CSRNP3: variants seen among roughly 807,000 people sequenced by gnomAD.
CSRNP3 encodes cysteine/serine-rich nuclear protein 3.
In CSRNP3, 12 loss-of-function variants were observed where a neutral mutation model predicts 48.0. That is an observed-to-expected ratio of 0.25 (90% CI 0.16 to 0.41). The LOEUF is 0.41. Ranked by LOEUF, CSRNP3 falls within the 10% of genes least tolerant of loss-of-function variation. CSRNP3 has a pLI of 1.00. For synonymous variants in CSRNP3, 263 were observed against 269.7 expected (o/e 0.98, Z 0.24); for missense variants, 580 against 724.4 (o/e 0.80, Z 2.29).
Position 165,578,029 on chromosome 2 carries a change from A to C in CSRNP3, c.-23-17014A>C, listed in dbSNP as rs976945978. ...TCTTTTGTTAGTACAATGAGAATCTATAATATTAAACTATCAACAGAAATT... is the reference window on the plus strand; with the variant it reads ...TCTTTTGTTAGTACAATGAGAATCTCTAATATTAAACTATCAACAGAAATT... On this transcript the variant is annotated intron_variant, in intron 3 of 6. Coordinates refer to ENST00000651982, the MANE Select transcript of CSRNP3 (RefSeq NM_001172173.2). 5.3e-5 allele frequency among the ~76,000 whole-genome samples: 8 copies of C among 152,180 alleles called. No individual in the cohort carries two copies. In the South Asian group the frequency reaches 1.7e-3, roughly 32 times the overall value.
At chr2:165,503,554 A>G (rs1684386082) in intron 2 of CSRNP3, among the ~76,000 whole-genome samples, 1 of 151,982 alleles carries the variant, frequency 6.6e-6, no homozygotes, top group South Asian at 2.1e-4. Flanking sequence ...AAAGTTTAAC[A>G]TTATCTCACA....
chr2:165,676,678 G>T, intron 6 of CSRNP3, 70 bp downstream of exon 6: 2 of 1,419,912 alleles, frequency 1.4e-6, no homozygotes, highest in South Asian at 1.2e-5. Context: ...GGCAGTCATG[G>T]TACCTATAAT....
intron 1 of CSRNP3, among the ~76,000 whole-genome samples, chr2:165,487,728 T>C (rs1684141758): frequency 1.3e-5 from 2 of 149,646 alleles, no homozygotes; most frequent in African/African-American, 2.5e-5. Context: ...TAAAATACTT[T>C]ACAGACAAGC....
intron 3 of CSRNP3, among the ~76,000 whole-genome samples, chr2:165,530,871 A>G (rs1051789320): frequency 2.0e-5 from 3 of 152,102 alleles, no homozygotes; most frequent in Non-Finnish European, 4.4e-5. Flanking sequence ...TTAAAAATCA[A>G]AAGAAGAAAA....
At chr2:165,592,311 T>C (rs973934495) in intron 3 of CSRNP3, among the ~76,000 whole-genome samples, 1 of 152,216 alleles carries the variant, frequency 6.6e-6, no homozygotes, top group Admixed American at 6.5e-5. Flanking sequence ...CCAATGCCTG[T>C]AGCCCCATTG....
At chr2:165,502,974 GT>G (rs1684377680) in intron 2 of CSRNP3, among the ~76,000 whole-genome samples, 1 of 151,828 alleles carries the variant, frequency 6.6e-6, no homozygotes, top group Non-Finnish European at 1.5e-5. Context: ...GCCTATCCAG[GT>G]TTTTTATTAT....
chr2:165,494,193 C>A (rs1012567470), intron 1 of CSRNP3, among the ~76,000 whole-genome samples: 25 of 152,104 alleles, frequency 1.6e-4, no homozygotes, highest in Admixed American at 9.2e-4. Flanking sequence ...CCCTGTAGCT[C>A]TGCTAAACTG....
chr2:165,606,244 C>A (rs1686009735), intron 4 of CSRNP3, among the ~76,000 whole-genome samples: 1 of 148,190 alleles, frequency 6.7e-6, no homozygotes, highest in Non-Finnish European at 1.5e-5. Flanking sequence ...TAACCAAATA[C>A]CCCACCAAGA....
intron 3 of CSRNP3, among the ~76,000 whole-genome samples, chr2:165,590,445 A>G (rs1685697681): frequency 6.6e-6 from 1 of 152,214 alleles, no homozygotes; most frequent in South Asian, 2.1e-4. Context: ...TCAAACACAT[A>G]TACAATAGTT....
At chr2:165,592,836 C>G (rs1685742331) in intron 3 of CSRNP3, among the ~76,000 whole-genome samples, 1 of 134,904 alleles carries the variant, frequency 7.4e-6, no homozygotes, top group African/African-American at 2.8e-5. Flanking sequence ...GAGTCTCGCT[C>G]TGTCGCCCAG....
At chr2:165,653,156 T>C (rs2105343311) in intron 4 of CSRNP3, among the ~76,000 whole-genome samples, 1 of 152,264 alleles carries the variant, frequency 6.6e-6, no homozygotes, top group East Asian at 1.9e-4. Flanking sequence ...CCATAAAGGC[T>C]CATGTTAGTC....
At chr2:165,500,610 A>T (rs1684346253) in intron 2 of CSRNP3, among the ~76,000 whole-genome samples, 1 of 151,926 alleles carries the variant, frequency 6.6e-6, no homozygotes, top group Non-Finnish European at 1.5e-5. Context: ...GGCATGTGCC[A>T]CTACGCCCGG....
At chr2:165,564,236 G>A (rs989795245) in intron 3 of CSRNP3, among the ~76,000 whole-genome samples, 4 of 152,056 alleles carry the variant, frequency 2.6e-5, no homozygotes, top group African/African-American at 9.7e-5. Flanking sequence ...TGGGTGGAGA[G>A]TGGTAGCAAA....
At chr2:165,570,316 A>G (rs555997528) in intron 3 of CSRNP3, among the ~76,000 whole-genome samples, 1 of 152,040 alleles carries the variant, frequency 6.6e-6, no homozygotes, top group South Asian at 2.1e-4. Context: ...ATTTAAAACC[A>G]TACACTATAG....
In CSRNP3 at chr2:165,612,873, C is replaced by T. The variant is rs189334360; in HGVS notation, c.148+17660C>T. 2.0e-4 allele frequency among the ~76,000 whole-genome samples: 30 copies of T among 151,988 alleles called. No individual in the cohort carries two copies. The East Asian group carries it at 4.6e-3, about 23-fold the overall frequency. Reference sequence around the variant, plus strand: ...TCTGTATACTGGCTATTGTGAATAGCGCTGCAGTAAAGTTGGTATCTCTTC... The same window carrying T: ...TCTGTATACTGGCTATTGTGAATAGTGCTGCAGTAAAGTTGGTATCTCTTC... On this transcript the variant is annotated intron_variant, in intron 4 of 6. Transcript: ENST00000651982.
rs565599713 is a variant in CSRNP3 at position 165,683,518 on chromosome 2, C to T, written c.*3765C>T. 2.6e-5 allele frequency: 4 copies of T among 152,184 alleles called. No homozygotes were observed. Among genetic ancestry groups the T allele is most frequent in the Admixed American group, 1.3e-4 (2 of 15,262 alleles). 9.4% of individuals were successfully genotyped at this position (152,184 alleles called of 1,614,324 possible). On this transcript the variant is annotated 3_prime_UTR_variant, in exon 7 of 7. Coordinates refer to ENST00000651982, the MANE Select transcript of CSRNP3 (RefSeq NM_001172173.2). ...GTATGATTACCATTAAACAGGAAAA[C>T]ATACCATGATTTACTTTCTATAACT...
rs553598857 is a variant in CSRNP3 at position 165,683,420 on chromosome 2, A to C, written c.*3667A>C. The C allele has an allele frequency of 6.6e-5, 10 of 152,222 alleles. No individual in the cohort carries two copies. The highest frequency in any genetic ancestry group is 1.3e-4 in the Admixed American group (2 of 15,262). 9.4% of individuals were successfully genotyped at this position (152,222 alleles called of 1,614,324 possible). A position where few individuals can be genotyped will look rare whatever the true frequency, so the allele number is the denominator to read the frequency against. On this transcript the variant is annotated 3_prime_UTR_variant, in exon 7 of 7. Transcript: ENST00000651982. ...ACTAGTTACGAATTAATCAAGAAGC[A>C]AAGAGAGTATGTTAAGTGGCTATGT...
intron 3 of CSRNP3, among the ~76,000 whole-genome samples, chr2:165,559,451 C>T (rs1367752453): frequency 6.6e-6 from 1 of 152,106 alleles, no homozygotes; most frequent in African/African-American, 2.4e-5. Flanking sequence ...AGCTTTCTAA[C>T]TGATAAAACT....
At chr2:165,492,902 A>G (rs987021350) in intron 1 of CSRNP3, among the ~76,000 whole-genome samples, 8 of 150,928 alleles carry the variant, frequency 5.3e-5, no homozygotes, top group African/African-American at 2.0e-4. Context: ...ATAGAACAGC[A>G]TAAATGACCA....
Sources: gnomAD v4.1 joint callset for allele counts (sites outside exome capture counted in the v4.1 genomes callset) on GRCh38, gnomAD v4.1.1 for gene constraint, MANE v1.5 for transcripts, NCBI Gene and HGNC (gene_info 2026-07-23, HGNC 2026-07-21) for gene names.